Variants in TRABD observed in about 807,000 individuals in gnomAD.
The protein encoded by TRABD is TraB domain containing.
In TRABD, 23 loss-of-function variants were observed where a neutral mutation model predicts 39.6. That is an observed-to-expected ratio of 0.58 (90% CI 0.42 to 0.82). The LOEUF (loss-of-function observed/expected upper bound fraction) is 0.82, where lower values mean the gene tolerates loss of function less well. Among genes scored for constraint, TRABD ranks in the 40% least tolerant of loss-of-function variants. The pLI, the probability that TRABD is intolerant of heterozygous loss-of-function variation, is 0.00. For synonymous variants in TRABD, 243 were observed against 232.1 expected (o/e 1.05, Z -0.43); for missense variants, 487 against 544.9 (o/e 0.89, Z 1.06).
In TRABD at chr22:50,198,345, C is replaced by T. The variant is rs149334847; in HGVS notation, c.957C>T (p.Thr319=). The change falls in exon 10 of 10, where the codon ACC becomes ACT. Residue 319 remains threonine (T), a splice_region_variant and synonymous_variant. Transcript: ENST00000380909. This position sits in a 1 kb window ranked among gnomAD's most constrained non-coding sequence, Gnocchi z 7.9. ...STDLNIQEIM[T]VPPPSVSGRV... ...GCCCAGCGCCCCCTCCCTCCCACAG[C>T]GTGCCCCCGCCGTCCGTCTCCGGCA... is the stretch of plus-strand genomic sequence containing the variant. 560 of 1,563,474 alleles carry T rather than the reference C, an allele frequency of 3.6e-4. 3 individuals carry two copies. The Middle Eastern group carries it at 6.5e-3, about 18-fold the overall frequency.
At chr22:50,187,041 CTG>C (rs992734682) in intron 1 of TRABD, among the ~76,000 whole-genome samples, 2 of 152,230 alleles carry the variant, frequency 1.3e-5, no homozygotes, top group African/African-American at 4.8e-5. Context: ...GCTCACTGCG[CTG>C]TGTGTCTCTG....
At chr22:50,189,180 C>T (rs573937075) in intron 1 of TRABD, among the ~76,000 whole-genome samples, 2 of 152,280 alleles carry the variant, frequency 1.3e-5, no homozygotes, top group Admixed American at 6.5e-5. Flanking sequence ...CGAGGCTGAC[C>T]GCTAAAGCAG....
chr22:50,192,651 G>A (rs893648916), intron 1 of TRABD, among the ~76,000 whole-genome samples: 13 of 152,188 alleles, frequency 8.5e-5, no homozygotes, highest in Admixed American at 2.0e-4. Context: ...CAGCAGCTGC[G>A]TTGCTGTGTC....
chr22:50,194,822 G>A (rs983862427), intron 4 of TRABD, 78 bp from the exon 5 acceptor site: 3 of 1,548,676 alleles, frequency 1.9e-6, no homozygotes, highest in Admixed American at 1.9e-5. Flanking sequence ...CTGGGATGGG[G>A]CCCCTGGTGC....
intron 1 of TRABD, among the ~76,000 whole-genome samples, chr22:50,191,179 CGGCTGTCCAAGAAGAGGGCAGGGTG>C (rs1345370244): frequency 6.6e-6 from 1 of 152,196 alleles, no homozygotes; most frequent in Non-Finnish European, 1.5e-5. Flanking sequence ...CCAGAAGTCC[CGGCTGTCCAAGAAGAGGGCAGGGTG>C]GGCTGCCCTC....
In TRABD at chr22:50,198,754, G is replaced by A. The variant is rs1602476971; in HGVS notation, c.*235G>A. 3 of 560,114 alleles carry A rather than the reference G, an allele frequency of 5.4e-6. No individual in the cohort carries two copies. The highest frequency in any genetic ancestry group is 6.1e-5 in the East Asian group (2 of 32,816). 34.7% of individuals were successfully genotyped at this position (560,114 alleles called of 1,614,324 possible). ...GCCCCTCCCCTCCCACACTGCAGGG[G>A]CCGTTCCCCAGCTTCTGGACAAGAC... On this transcript the variant is annotated 3_prime_UTR_variant, in exon 10 of 10. Transcript: ENST00000380909. This position sits in a 1 kb window ranked among gnomAD's most constrained non-coding sequence, Gnocchi z 7.9.
In TRABD at chr22:50,196,471, G is replaced by A. The variant is rs190702379; in HGVS notation, c.421-770G>A. ...TCTGTGGGCATCATCTCCTTCACAC[G>A]TGGACACCCCCGTGGTGCCAGCCGG... On this transcript the variant is annotated intron_variant, in intron 5 of 9. Transcript: ENST00000380909. 1.6e-3 allele frequency among the ~76,000 whole-genome samples: 239 copies of A among 152,312 alleles called. 2 individuals are homozygous for A. Among genetic ancestry groups the A allele is most frequent in the African/African-American group, 5.2e-3 (216 of 41,562 alleles).
chr22:50,198,739 T>C lies in TRABD; in HGVS notation c.*220T>C. ...TCAGGCCTCCCGGCAGCCCCTCCCCTCCCACACTGCAGGGGCCGTTCCCCA... is the reference window on the plus strand; with the variant it reads ...TCAGGCCTCCCGGCAGCCCCTCCCCCCCCACACTGCAGGGGCCGTTCCCCA... On this transcript the variant is annotated 3_prime_UTR_variant, in exon 10 of 10. Coordinates refer to ENST00000380909, the MANE Select transcript of TRABD (RefSeq NM_001320485.2). This position sits in a 1 kb window ranked among gnomAD's most constrained non-coding sequence, Gnocchi z 7.9. 1 of 541,026 alleles carries C rather than the reference T, an allele frequency of 1.8e-6. No individual in the cohort carries two copies. Among genetic ancestry groups the C allele is most frequent in the Non-Finnish European group, 3.2e-6 (1 of 310,352 alleles). The allele number at this position is 541,026 out of a possible 1,614,324, so 33.5% of individuals were successfully genotyped here. A position where few individuals can be genotyped will look rare whatever the true frequency, so the allele number is the denominator to read the frequency against.
At chr22:50,193,458 G>A (rs1197099922) in intron 2 of TRABD, 118 bp from the exon 3 acceptor site, 3 of 970,394 alleles carry the variant, frequency 3.1e-6, no homozygotes, top group Non-Finnish European at 4.8e-6. Context: ...TTCAGGGTGT[G>A]TGGTCCACAC....
At chr22:50,188,818 C>T (rs2063822524) in intron 1 of TRABD, among the ~76,000 whole-genome samples, 1 of 152,100 alleles carries the variant, frequency 6.6e-6, no homozygotes, top group Non-Finnish European at 1.5e-5. Flanking sequence ...CGGGACATTT[C>T]GGATGCAGAC....
At chr22:50,194,650 G>A in intron 4 of TRABD, 144 bp downstream of exon 4, 1 of 1,368,656 alleles carries the variant, frequency 7.3e-7, no homozygotes, top group Non-Finnish European at 9.9e-7. Flanking sequence ...CCTGGGAGTG[G>A]CAAGGTGGGC....
At position 50,198,075 on chromosome 22, in the gene TRABD, C is replaced by A; in HGVS notation, c.845C>A (p.Ala282Asp). Reference protein sequence around the residue: ...RRLELPRASDAEPRKCVPSVV... With the variant: ...RRLELPRASDDEPRKCVPSVV... ...ACTGACCCCTTGTCCTTCCCCACAG[C>A]CGAGCCCAGGAAGTGCGTCCCCTCC... is the stretch of plus-strand genomic sequence containing the variant. The change falls in exon 9 of 10, where the codon GCC (alanine) becomes GAC (aspartate). Residue 282 changes from alanine (A) to aspartate (D), a missense_variant and splice_region_variant. Transcript: ENST00000380909. The surrounding 1 kb of genome is among the most constrained non-coding windows in gnomAD (Gnocchi z 7.9). 1.9e-6 allele frequency: 3 copies of A among 1,612,568 alleles called. No individual in the cohort carries two copies. The highest frequency in any genetic ancestry group is 2.5e-6 in the Non-Finnish European group (3 of 1,179,622).
At chr22:50,197,375 G>C (rs769189067) in intron 6 of TRABD, 24 bp downstream of exon 6, 1 of 1,613,148 alleles carries the variant, frequency 6.2e-7, no homozygotes, top group South Asian at 1.1e-5. Flanking sequence ...GAGGTAGGGG[G>C]TGGCCACAGG....
intron 1 of TRABD, among the ~76,000 whole-genome samples, chr22:50,189,671 A>AG (rs1175557454): frequency 6.6e-6 from 1 of 152,180 alleles, no homozygotes; most frequent in Non-Finnish European, 1.5e-5. Flanking sequence ...ACAGGTAGAA[A>AG]GGGGGTGGCT....
At position 50,194,223 on chromosome 22, in the gene TRABD, C is replaced by T. The variant is rs554686814; in HGVS notation, c.113-117C>T. ...TGTGACGCTCGTCAGGAGTCTTGTG[C>T]TCTGCACCTGTTCAGTTCTCAGAAC... On this transcript the variant is annotated intron_variant, in intron 3 of 9. Coordinates refer to ENST00000380909, the MANE Select transcript of TRABD (RefSeq NM_001320485.2). The T allele has an allele frequency of 5.3e-6, 7 of 1,315,942 alleles. No individual in the cohort carries two copies. The South Asian group carries it at 7.2e-5, about 14-fold the overall frequency. 81.5% of individuals were successfully genotyped at this position (1,315,942 alleles called of 1,614,324 possible).
In TRABD at chr22:50,198,746, C is replaced by G; in HGVS notation, c.*227C>G. On this transcript the variant is annotated 3_prime_UTR_variant, in exon 10 of 10. Transcript: ENST00000380909. The surrounding 1 kb of genome is among the most constrained non-coding windows in gnomAD (Gnocchi z 7.9). ...TCCCGGCAGCCCCTCCCCTCCCACA[C>G]TGCAGGGGCCGTTCCCCAGCTTCTG... 1.8e-6 allele frequency: 1 copy of G among 562,594 alleles called. No individual in the cohort carries two copies. The highest frequency in any genetic ancestry group is 3.1e-6 in the Non-Finnish European group (1 of 321,546). 34.9% of individuals were successfully genotyped at this position (562,594 alleles called of 1,614,324 possible). A position where few individuals can be genotyped will look rare whatever the true frequency, so the allele number is the denominator to read the frequency against.
chr22:50,194,766 G>A (rs2064038293), intron 4 of TRABD, 134 bp from the exon 5 acceptor site: 1 of 1,352,560 alleles, frequency 7.4e-7, no homozygotes, highest in Non-Finnish European at 1.0e-6. Context: ...TGTCACTGCA[G>A]CAGCGGGGTT....
rs538553082 is a variant in TRABD, at chr22:50,192,977, C to T, written c.-34-50C>T. Reference sequence around the variant, plus strand: ...AGGGCACTACGCAGTGAGTCCTGAGCCAGGTCTGGGGCTCCAGGTGGAAAC... The same window carrying T: ...AGGGCACTACGCAGTGAGTCCTGAGTCAGGTCTGGGGCTCCAGGTGGAAAC... On this transcript the variant is annotated intron_variant, in intron 1 of 9. Transcript: ENST00000380909. 1.6e-4 allele frequency: 244 copies of T among 1,501,838 alleles called. 3 individuals are homozygous for T. In the South Asian group the frequency reaches 2.7e-3, roughly 17 times the overall value. The allele number at this position is 1,501,838 out of a possible 1,614,324, so 93.0% of individuals were successfully genotyped here.
intron 1 of TRABD, among the ~76,000 whole-genome samples, chr22:50,190,053 C>A (rs1448284164): frequency 6.6e-6 from 1 of 152,220 alleles, no homozygotes; most frequent in South Asian, 2.1e-4. Flanking sequence ...AACCTGAAAT[C>A]ACACCCTAGA....
Sources: allele counts gnomAD v4.1 joint callset (sites outside exome capture counted in the v4.1 genomes callset), GRCh38; gene constraint gnomAD v4.1.1; non-coding constraint Gnocchi (gnomAD v3.1); transcripts MANE v1.5; gene names NCBI Gene and HGNC (gene_info 2026-07-23, HGNC 2026-07-21).